Variants in NR1D2 observed in about 807,000 individuals in gnomAD.
NR1D2 encodes V-erbA-related protein 1-related.
NR1D2 carries 25 observed loss-of-function variants against 52.2 expected under a neutral mutation model. That is an observed-to-expected ratio of 0.48 (90% CI 0.35 to 0.67). The LOEUF is 0.67. NR1D2 is among the 30% of genes least tolerant of loss of function. The pLI is 0.01. For synonymous variants in NR1D2, 259 were observed against 230.1 expected, an observed-to-expected ratio of 1.13 and a Z score of -1.14; for missense variants, 681 against 707.2, an observed-to-expected ratio of 0.96 and a Z score of 0.42.
rs1286973632 is a variant in NR1D2, at chr3:23,967,697, T to A, written c.1333-116T>A. The A allele has an allele frequency of 3.9e-6, 3 of 760,844 alleles. No homozygotes were observed. The East Asian group carries it at 8.1e-5, about 20-fold the overall frequency. 47.1% of individuals were successfully genotyped at this position (760,844 alleles called of 1,614,324 possible). On this transcript the variant is annotated intron_variant, in intron 6 of 7. Coordinates refer to ENST00000312521, the MANE Select transcript of NR1D2 (RefSeq NM_005126.5). ...TGAGTAAAAGTATACCCTGTTTTTC[T>A]TTTATAACTTTCTTTTATATGTGGG...
intron 7 of NR1D2, among the ~76,000 whole-genome samples, chr3:23,973,321 CCTA>C (rs1706640073): frequency 6.6e-6 from 1 of 152,198 alleles, no homozygotes; most frequent in African/African-American, 2.4e-5. Flanking sequence ...GATGGTATAT[CCTA>C]CTACACACCT....
chr3:23,975,537 C>T (rs951989944), intron 7 of NR1D2, among the ~76,000 whole-genome samples: 4 of 151,988 alleles, frequency 2.6e-5, no homozygotes, highest in African/African-American at 7.3e-5. Flanking sequence ...TTTCGGAGGC[C>T]GAGGCGGGTG....
At chr3:23,963,960 C>T (rs1376913653) in intron 5 of NR1D2, among the ~76,000 whole-genome samples, 2 of 149,446 alleles carry the variant, frequency 1.3e-5, no homozygotes, top group Non-Finnish European at 3.0e-5. Context: ...TTCCTATTTT[C>T]CCTCACGCAG....
chr3:23,969,157 G>C (rs1399353102), intron 7 of NR1D2, among the ~76,000 whole-genome samples: 1 of 152,094 alleles, frequency 6.6e-6, no homozygotes, highest in Admixed American at 6.5e-5. Context: ...ATGGTGGCAC[G>C]TGCCTGTAGT....
intron 6 of NR1D2, among the ~76,000 whole-genome samples, chr3:23,966,059 T>C (rs1706441717): frequency 6.6e-6 from 1 of 152,210 alleles, no homozygotes; most frequent in Non-Finnish European, 1.5e-5. Flanking sequence ...GATGTGCCTC[T>C]CCTGGTCCTT....
chr3:23,951,413 G>A (rs186408099), intron 1 of NR1D2, among the ~76,000 whole-genome samples: 15 of 152,300 alleles, frequency 9.8e-5, no homozygotes, highest in African/African-American at 3.4e-4. Context: ...TCTTCCTTTG[G>A]AATTTCATTG....
At chr3:23,968,992 A>C (rs1039316947) in intron 7 of NR1D2, among the ~76,000 whole-genome samples, 3 of 152,164 alleles carry the variant, frequency 2.0e-5, no homozygotes, top group Admixed American at 2.0e-4. Context: ...TTGAAAGAGA[A>C]CAAGTTCTTG....
chr3:23,945,512 G>C lies in NR1D2; in HGVS notation c.-67G>C. On this transcript the variant is annotated 5_prime_UTR_variant, in exon 1 of 8. Transcript: ENST00000312521. ...CCAGCCCGGGGCGGCGCGGCGCTGA[G>C]GCGGCGGCGGCGGCGCTGCCCCCTC... is the stretch of plus-strand genomic sequence containing the variant. 1 of 913,050 alleles carries C rather than the reference G, an allele frequency of 1.1e-6. No individual in the cohort carries two copies. Among genetic ancestry groups the C allele is most frequent in the Non-Finnish European group, 1.3e-6 (1 of 774,506 alleles). The allele number at this position is 913,050 out of a possible 1,614,324, so 56.6% of individuals were successfully genotyped here. A position where few individuals can be genotyped will look rare whatever the true frequency, so the allele number is the denominator to read the frequency against.
chr3:23,954,675 A>C lies in NR1D2; in HGVS notation c.155A>C (p.Asn52Thr). 5 of 1,614,160 alleles carry C rather than the reference A, an allele frequency of 3.1e-6. No homozygotes were observed. Among genetic ancestry groups the C allele is most frequent in the Non-Finnish European group, 4.2e-6 (5 of 1,180,006 alleles). ...CCAAATAGCTCTAATTCTGATACCA[A>C]TGGTAATCCCAAGAATGGTGATCTC... ...SSPNSSNSDTNGNPKNGDLAN... is the reference protein window; with the variant it reads ...SSPNSSNSDTTGNPKNGDLAN... Residue 52 changes from asparagine (N) to threonine (T), a missense_variant, in exon 2 of 8, where the codon AAT (asparagine) becomes ACT (threonine). Asn to Thr is a moderately conservative substitution (Grantham distance 65, BLOSUM62 0). Transcript: ENST00000312521.
chr3:23,957,495 TCA>T (rs1307428663), intron 3 of NR1D2, among the ~76,000 whole-genome samples: 5 of 141,412 alleles, frequency 3.5e-5, no homozygotes, highest in African/African-American at 1.3e-4. Flanking sequence ...GGCGGGCGGA[TCA>T]CGAGGTCAGG....
At chr3:23,950,899 T>C (rs1705909803) in intron 1 of NR1D2, among the ~76,000 whole-genome samples, 1 of 134,744 alleles carries the variant, frequency 7.4e-6, no homozygotes, top group Admixed American at 7.8e-5. Flanking sequence ...TCTCTTTCTT[T>C]TTCTTTTTTT....
chr3:23,956,190 A>G lies in NR1D2; in HGVS notation c.372+65A>G, dbSNP rs568951407. ...GATTTAAGAAGTTGGGTTTAGATTT[A>G]CCCATTTGTGCAATTGATAGTCTGA... On this transcript the variant is annotated intron_variant, in intron 3 of 7. Transcript: ENST00000312521. 7 of 1,319,454 alleles carry G rather than the reference A, an allele frequency of 5.3e-6. No homozygotes were observed. The East Asian group carries it at 1.1e-4, about 22-fold the overall frequency. 81.7% of individuals were successfully genotyped at this position (1,319,454 alleles called of 1,614,324 possible). A position where few individuals can be genotyped will look rare whatever the true frequency, so the allele number is the denominator to read the frequency against.
intron 5 of NR1D2, 97 bp from the exon 6 acceptor site, chr3:23,964,880 A>T: frequency 1.2e-6 from 1 of 802,020 alleles, no homozygotes; most frequent in Non-Finnish European, 2.0e-6. Flanking sequence ...TTTGGGGGTT[A>T]AATTCATGTT....
At chr3:23,952,066 A>AAT (rs1705948155) in intron 1 of NR1D2, among the ~76,000 whole-genome samples, 1 of 152,190 alleles carries the variant, frequency 6.6e-6, no homozygotes, top group Non-Finnish European at 1.5e-5. Context: ...AGGGCTTATT[A>AAT]AAGTTTCTGA....
intron 5 of NR1D2, 107 bp downstream of exon 5, chr3:23,962,712 A>G (rs1706317183): frequency 1.7e-5 from 17 of 1,003,630 alleles, no homozygotes; most frequent in Non-Finnish European, 2.5e-5. Flanking sequence ...AGGAAACCTA[A>G]GAAATTTACA....
chr3:23,950,225 C>T (rs1705888148), intron 1 of NR1D2, among the ~76,000 whole-genome samples: 1 of 152,214 alleles, frequency 6.6e-6, no homozygotes, highest in African/African-American at 2.4e-5. Flanking sequence ...TTATAGAAGA[C>T]CACTCAGGTT....
intron 1 of NR1D2, among the ~76,000 whole-genome samples, chr3:23,949,289 G>A (rs570315914): frequency 1.3e-5 from 2 of 151,796 alleles, no homozygotes; most frequent in East Asian, 1.9e-4. Flanking sequence ...CGCTTGAACC[G>A]AGGAGGCGGA....
chr3:23,957,251 G>C (rs927382180), intron 3 of NR1D2, among the ~76,000 whole-genome samples: 3 of 151,844 alleles, frequency 2.0e-5, no homozygotes, highest in African/African-American at 4.8e-5. Context: ...GCAAAGTGCT[G>C]GGATTACAGG....
Position 23,977,244 on chromosome 3 carries a change from T to C in NR1D2, c.1565T>C (p.Val522Ala). The change falls in exon 8 of 8, where the codon GTC (valine) becomes GCC (alanine). Residue 522 changes from valine to alanine, a missense_variant. Val to Ala is a moderately conservative substitution (Grantham distance 64). Coordinates refer to ENST00000312521, the MANE Select transcript of NR1D2 (RefSeq NM_005126.5). ...VSADRSGIEN[V>A]NSVEALQETL... ...TTAGATCGATCTGGAATAGAAAACG[T>C]CAACTCTGTGGAGGCTTTGCAGGAA... 6.3e-7 allele frequency: 1 copy of C among 1,598,486 alleles called. No homozygotes were observed. The highest frequency in any genetic ancestry group is 8.5e-7 in the Non-Finnish European group (1 of 1,174,246).
Sources: allele counts gnomAD v4.1 joint callset (sites outside exome capture counted in the v4.1 genomes callset), GRCh38; gene constraint gnomAD v4.1.1; transcripts MANE v1.5; gene names NCBI Gene and HGNC (gene_info 2026-07-23, HGNC 2026-07-21).